CDH18: variants seen among roughly 807,000 people sequenced by gnomAD.
The protein encoded by CDH18 is cadherin-18.
CDH18 carries 31 observed loss-of-function variants against 67.9 expected under a neutral mutation model. The ratio of observed to expected loss-of-function variants is 0.46; its 90% CI spans 0.34 to 0.62. The LOEUF is 0.62. Among genes scored for constraint, CDH18 ranks in the 20% least tolerant of loss-of-function variants. The pLI is 0.01. For missense variants in CDH18, 890 were observed against 975.5 expected (o/e 0.91, Z 1.17); for synonymous variants, 362 against 347.2 (o/e 1.04, Z -0.48).
intron 1 of CDH18, among the ~76,000 whole-genome samples, chr5:20,543,316 T>TC (rs1757158453): frequency 6.6e-6 from 1 of 152,108 alleles, no homozygotes; most frequent in African/African-American, 2.4e-5. Context: ...TTCTATTTTT[T>TC]CTCATAATTA....
At chr5:19,761,688 T>C (rs2149706407) in intron 3 of CDH18, among the ~76,000 whole-genome samples, 1 of 152,274 alleles carries the variant, frequency 6.6e-6, no homozygotes, top group Non-Finnish European at 1.5e-5. Flanking sequence ...ATAGATTCAA[T>C]GCCATCCCCA....
intron 2 of CDH18, among the ~76,000 whole-genome samples, chr5:19,939,598 G>A (rs915013460): frequency 2.0e-5 from 3 of 151,762 alleles, no homozygotes; most frequent in South Asian, 2.1e-4. Flanking sequence ...TTGCAACTCC[G>A]TGTTCACTAA....
At chr5:19,913,426 C>G (rs759065171) in intron 2 of CDH18, among the ~76,000 whole-genome samples, 2 of 152,110 alleles carry the variant, frequency 1.3e-5, no homozygotes, top group Non-Finnish European at 2.9e-5. Context: ...TTAGAAACTT[C>G]GATCACAAAT....
At chr5:19,585,660 T>C (rs1419710541) in intron 7 of CDH18, among the ~76,000 whole-genome samples, 1 of 152,200 alleles carries the variant, frequency 6.6e-6, no homozygotes, top group East Asian at 1.9e-4. Context: ...TTTGTCCCTG[T>C]GCATAGAAAC....
At chr5:20,375,017 T>C (rs553002151) in intron 1 of CDH18, among the ~76,000 whole-genome samples, 3 of 152,272 alleles carry the variant, frequency 2.0e-5, no homozygotes, top group African/African-American at 4.8e-5. Flanking sequence ...TTTTTAAATA[T>C]TGTTTAGTTA....
intron 2 of CDH18, among the ~76,000 whole-genome samples, chr5:20,137,582 C>T (rs1749845606): frequency 6.6e-6 from 1 of 152,090 alleles, no homozygotes. Context: ...AGGCCTACTT[C>T]TGTGAACTCG....
chr5:20,532,194 A>G (rs892588094), intron 1 of CDH18, among the ~76,000 whole-genome samples: 9 of 152,142 alleles, frequency 5.9e-5, no homozygotes, highest in Non-Finnish European at 5.9e-5. Flanking sequence ...AATAGTCTAC[A>G]CAAAATGCTG....
At chr5:20,189,508 A>G (rs1738369622) in intron 2 of CDH18, among the ~76,000 whole-genome samples, 2 of 152,184 alleles carry the variant, frequency 1.3e-5, no homozygotes, top group Admixed American at 1.3e-4. Flanking sequence ...TATGTATTAT[A>G]TAAATACACA....
intron 2 of CDH18, among the ~76,000 whole-genome samples, chr5:20,102,835 G>C (rs1342820881): frequency 6.6e-6 from 1 of 151,970 alleles, no homozygotes; most frequent in Non-Finnish European, 1.5e-5. Context: ...AAAAAATAAA[G>C]GATAACCATC....
At chr5:19,537,765 C>T (rs921121372) in intron 9 of CDH18, among the ~76,000 whole-genome samples, 3 of 152,178 alleles carry the variant, frequency 2.0e-5, no homozygotes, top group African/African-American at 7.2e-5. Context: ...GAATAACACT[C>T]AAATGCCTCA....
intron 2 of CDH18, among the ~76,000 whole-genome samples, chr5:19,907,681 T>C (rs951543406): frequency 2.0e-5 from 3 of 152,052 alleles, no homozygotes; most frequent in Non-Finnish European, 2.9e-5. Flanking sequence ...ATATTTTTAC[T>C]GACTTTTTTT....
intron 1 of CDH18, among the ~76,000 whole-genome samples, chr5:20,381,388 A>G (rs1743894352): frequency 1.3e-5 from 2 of 151,860 alleles, no homozygotes; most frequent in African/African-American, 4.8e-5. Context: ...GAATGCAGTG[A>G]TATTTTGGAG....
rs189335931 is a variant in CDH18, at chr5:19,885,623, C to T, written c.-256-46381G>A. On this transcript the variant is annotated intron_variant, in intron 2 of 12. Coordinates refer to ENST00000382275, the MANE Select transcript of CDH18 (RefSeq NM_004934.5). ...TTGCTCAGGCTGGAGTACAGTGGTG[C>T]GATCATAGCTCACTGCAGCCTAGAG... Among the ~76,000 whole-genome samples, 25 of 152,222 alleles carry T rather than the reference C, an allele frequency of 1.6e-4. 1 individual carries two copies. The highest frequency in any genetic ancestry group is 1.5e-3 in the Admixed American group (23 of 15,276).
At chr5:20,217,997 C>T (rs566272473) in intron 2 of CDH18, among the ~76,000 whole-genome samples, 15 of 151,744 alleles carry the variant, frequency 9.9e-5, no homozygotes, top group Non-Finnish European at 1.9e-4. Flanking sequence ...TATATGTACC[C>T]CACACTGAAG....
At chr5:19,936,592 C>G (rs1794294918) in intron 2 of CDH18, among the ~76,000 whole-genome samples, 1 of 150,888 alleles carries the variant, frequency 6.6e-6, no homozygotes, top group African/African-American at 2.4e-5. Context: ...AAATATGCCA[C>G]AATTTTGCTT....
At chr5:20,517,676 G>T (rs1288439599) in intron 1 of CDH18, among the ~76,000 whole-genome samples, 1 of 151,952 alleles carries the variant, frequency 6.6e-6, no homozygotes, top group Non-Finnish European at 1.5e-5. Context: ...TTTTAGGAAG[G>T]TATTACATAT....
At chr5:20,020,656 C>T (rs3105779) in intron 2 of CDH18, among the ~76,000 whole-genome samples, 5 of 152,066 alleles carry the variant, frequency 3.3e-5, no homozygotes, top group South Asian at 2.1e-4. Context: ...CTGGGTGTGC[C>T]GGGGCCAAGG....
chr5:19,624,662 C>T (rs1407558040), intron 5 of CDH18, among the ~76,000 whole-genome samples: 1 of 152,112 alleles, frequency 6.6e-6, no homozygotes, highest in Non-Finnish European at 1.5e-5. Context: ...TGAGATAGTT[C>T]TGAAGGAGCT....
rs1371040097 is a variant in CDH18, at chr5:19,746,893, G to T, written c.523+49C>A. ...ATTGGTATTCTAAAGATGACTTTTTGATTTTCTTAATATGTTAATTGCATA... is the reference window on the plus strand; with the variant it reads ...ATTGGTATTCTAAAGATGACTTTTTTATTTTCTTAATATGTTAATTGCATA... On this transcript the variant is annotated intron_variant, in intron 4 of 12. Coordinates refer to ENST00000382275, the MANE Select transcript of CDH18 (RefSeq NM_004934.5). The T allele has an allele frequency of 5.3e-6, 8 of 1,499,830 alleles. No homozygotes were observed. In the South Asian group the frequency reaches 6.1e-5, roughly 11 times the overall value. 92.9% of individuals were successfully genotyped at this position (1,499,830 alleles called of 1,614,324 possible).
Sources: gnomAD v4.1 joint callset for allele counts (sites outside exome capture counted in the v4.1 genomes callset) on GRCh38, gnomAD v4.1.1 for gene constraint, MANE v1.5 for transcripts, NCBI Gene and HGNC (gene_info 2026-07-23, HGNC 2026-07-21) for gene names.